Variants in CRTAC1 observed in about 807,000 individuals in gnomAD.
CRTAC1 encodes cartilage acidic protein 1.
In CRTAC1, 37 loss-of-function variants were observed where a neutral mutation model predicts 67.8. The observed-to-expected ratio is 0.55, with a 90% CI of 0.42 to 0.72. The LOEUF (loss-of-function observed/expected upper bound fraction) is 0.72. Ranked by LOEUF, CRTAC1 falls within the 30% of genes least tolerant of loss-of-function variation. The pLI is 0.00. For synonymous variants in CRTAC1, 348 were observed against 371.0 expected (o/e 0.94, Z 0.71); for missense variants, 780 against 931.6 (o/e 0.84, Z 2.12).
At chr10:97,882,878 C>A (rs889649986) in intron 12 of CRTAC1, 50 bp from the exon 13 acceptor site, 2 of 1,585,072 alleles carry the variant, frequency 1.3e-6, no homozygotes, top group African/African-American at 2.7e-5. Context: ...AAGGTCCCAT[C>A]CCAGGTTCCC....
At chr10:97,985,110 T>C (rs2051958781) in intron 2 of CRTAC1, among the ~76,000 whole-genome samples, 1 of 152,142 alleles carries the variant, frequency 6.6e-6, no homozygotes, top group South Asian at 2.1e-4. Context: ...GCAGTATTCC[T>C]TGATTACCAT....
chr10:97,944,677 GA>G (rs1317846216), intron 2 of CRTAC1, among the ~76,000 whole-genome samples: 1 of 152,182 alleles, frequency 6.6e-6, no homozygotes, highest in Non-Finnish European at 1.5e-5. Context: ...CTGGCTTTGT[GA>G]TTTGCCTTGA....
intron 11 of CRTAC1, among the ~76,000 whole-genome samples, chr10:97,884,927 A>C (rs771652725): frequency 2.0e-5 from 3 of 152,216 alleles, no homozygotes; most frequent in Non-Finnish European, 4.4e-5. Context: ...TGTGCAGCTA[A>C]CTGGCTTTGT....
intron 2 of CRTAC1, among the ~76,000 whole-genome samples, chr10:97,940,320 A>G (rs772720956): frequency 6.6e-6 from 1 of 152,236 alleles, no homozygotes; most frequent in Non-Finnish European, 1.5e-5. Context: ...TGTGAGCTAC[A>G]TGGGCTTACA....
chr10:97,910,571 C>T (rs139729327), intron 5 of CRTAC1, among the ~76,000 whole-genome samples: 25 of 152,286 alleles, frequency 1.6e-4, no homozygotes, highest in African/African-American at 5.1e-4. Flanking sequence ...AAAAAATAAA[C>T]GAAAGCTCAA....
rs376257865 is a variant in CRTAC1, at chr10:97,936,320, G to A, written c.271C>T (p.Arg91Trp). Residue 91 changes from arginine to tryptophan, a missense_variant, in exon 3 of 15, where the codon CGG becomes TGG. Transcript: ENST00000370597. Reference sequence around the variant, plus strand: ...TCATCGACCGCGATGTTCACCAGCCGCTTCTGGGCCCGGTCATACTTCAGA... The same window carrying A: ...TCATCGACCGCGATGTTCACCAGCCACTTCTGGGCCCGGTCATACTTCAGA... ...LVLKYDRAQK[R>W]LVNIAVDERS... The A allele has an allele frequency of 2.5e-6, 4 of 1,613,194 alleles. No individual in the cohort carries two copies. Among genetic ancestry groups the A allele is most frequent in the East Asian group, 2.2e-5 (1 of 44,826 alleles).
At chr10:97,923,893 G>T (rs1470752648) in intron 3 of CRTAC1, among the ~76,000 whole-genome samples, 1 of 152,178 alleles carries the variant, frequency 6.6e-6, no homozygotes, top group Admixed American at 6.5e-5. Context: ...CCACCCTGAG[G>T]AAGGGGCTGG....
intron 3 of CRTAC1, among the ~76,000 whole-genome samples, chr10:97,926,815 A>G (rs1486511553): frequency 6.6e-6 from 1 of 152,178 alleles, no homozygotes; most frequent in Non-Finnish European, 1.5e-5. Context: ...CGCCATCATC[A>G]TGGCTGTCCT....
intron 2 of CRTAC1, among the ~76,000 whole-genome samples, chr10:97,999,380 C>A (rs1413303682): frequency 6.6e-6 from 1 of 152,218 alleles, no homozygotes; most frequent in Non-Finnish European, 1.5e-5. Context: ...AATCTCAGAG[C>A]AAAGTTAGGG....
chr10:97,968,182 A>G (rs532717400), intron 2 of CRTAC1, among the ~76,000 whole-genome samples: 1 of 152,356 alleles, frequency 6.6e-6, no homozygotes, highest in Non-Finnish European at 1.5e-5. Flanking sequence ...AGGTGTTGAC[A>G]TCTGAGGAAG....
At chr10:97,981,656 A>G (rs1320280521) in intron 2 of CRTAC1, among the ~76,000 whole-genome samples, 1 of 152,234 alleles carries the variant, frequency 6.6e-6, no homozygotes, top group Non-Finnish European at 1.5e-5. Context: ...AAGTTATAGA[A>G]GTAGAATTAC....
Position 98,021,876 on chromosome 10 carries a change from A to G in CRTAC1, c.24+8573T>C, listed in dbSNP as rs150695839. Reference sequence around the variant, plus strand: ...CCCTGATGGAGTTCTTTGACTCCTTAAATACTGCTTCCTAAGCACAGAACC... The same window carrying G: ...CCCTGATGGAGTTCTTTGACTCCTTGAATACTGCTTCCTAAGCACAGAACC... On this transcript the variant is annotated intron_variant, in intron 1 of 14. Coordinates refer to ENST00000370597, the MANE Select transcript of CRTAC1 (RefSeq NM_018058.7). Among the ~76,000 whole-genome samples the G allele has an allele frequency of 5.0e-3, 765 of 152,282 alleles. 15 individuals are homozygous for G. Among genetic ancestry groups the G allele is most frequent in the African/African-American group, 0.017 (708 of 41,558 alleles).
intron 2 of CRTAC1, among the ~76,000 whole-genome samples, chr10:97,947,878 C>G (rs947645074): frequency 2.0e-5 from 3 of 151,898 alleles, no homozygotes; most frequent in Non-Finnish European, 4.4e-5. Context: ...AATAGTGAGA[C>G]CTCATCTCTA....
intron 4 of CRTAC1, 65 bp downstream of exon 4, chr10:97,923,199 A>G: frequency 1.2e-6 from 2 of 1,600,340 alleles, no homozygotes; most frequent in East Asian, 2.2e-5. Flanking sequence ...GGACGTCTAC[A>G]CAGTGGCTCC....
intron 2 of CRTAC1, among the ~76,000 whole-genome samples, chr10:97,989,645 C>T (rs1022702142): frequency 1.3e-5 from 2 of 152,208 alleles, no homozygotes; most frequent in Admixed American, 1.3e-4. Flanking sequence ...ACGTTGCATG[C>T]CATAACTCCT....
chr10:97,917,071 T>C (rs971127480), intron 5 of CRTAC1, among the ~76,000 whole-genome samples: 1 of 152,202 alleles, frequency 6.6e-6, no homozygotes, highest in African/African-American at 2.4e-5. Flanking sequence ...TGGTTGCTTA[T>C]GTGTAAGTAA....
rs114848121 is a variant in CRTAC1, at chr10:97,990,531, G to A, written c.224+20607C>T. Among the ~76,000 whole-genome samples, 283 of 152,136 alleles carry A rather than the reference G, an allele frequency of 1.9e-3. 2 individuals carry two copies. The highest frequency in any genetic ancestry group is 6.4e-3 in the African/African-American group (264 of 41,508). ...TTTTATCATTCCATTTCCTATTAGC[G>A]TCTTTTAGCAAGCATGGACAGTGGG... On this transcript the variant is annotated intron_variant, in intron 2 of 14. Coordinates refer to ENST00000370597, the MANE Select transcript of CRTAC1 (RefSeq NM_018058.7).
intron 7 of CRTAC1, among the ~76,000 whole-genome samples, chr10:97,903,218 G>A (rs2050565899): frequency 6.8e-6 from 1 of 147,242 alleles, no homozygotes; most frequent in Non-Finnish European, 1.5e-5. Flanking sequence ...ATCCTTTGTT[G>A]TGGGGCTGCT....
intron 2 of CRTAC1, among the ~76,000 whole-genome samples, chr10:97,988,227 C>G (rs959474228): frequency 2.6e-5 from 4 of 151,806 alleles, no homozygotes; most frequent in African/African-American, 9.7e-5. Context: ...TGTGTGTGCC[C>G]CAGTATGCCT....
Sources: allele counts gnomAD v4.1 joint callset (sites outside exome capture counted in the v4.1 genomes callset), GRCh38; gene constraint gnomAD v4.1.1; transcripts MANE v1.5; gene names NCBI Gene and HGNC (gene_info 2026-07-23, HGNC 2026-07-21).